MBNL1: variants seen among roughly 807,000 people sequenced by gnomAD.
The protein encoded by MBNL1 is muscleblind-like protein 1.
A neutral mutation model predicts 42.2 loss-of-function variants in MBNL1; 8 were observed. The observed-to-expected ratio is 0.19, with a 90% CI of 0.11 to 0.34. The LOEUF is 0.34. Among genes scored for constraint, MBNL1 ranks in the 10% least tolerant of loss-of-function variants. MBNL1 has a pLI of 1.00. For synonymous variants in MBNL1, 169 were observed against 173.9 expected (o/e 0.97, Z 0.22); for missense variants, 309 against 495.3 (o/e 0.62, Z 3.57).
intron 1 of MBNL1, among the ~76,000 whole-genome samples, chr3:152,291,127 T>C (rs1216879028): frequency 1.3e-5 from 2 of 152,052 alleles, no homozygotes; most frequent in African/African-American, 4.8e-5. Flanking sequence ...TAATTAGGAG[T>C]AGTGCTTTCT....
rs201037967 is a variant in MBNL1, at chr3:152,456,289, G to A, written c.1020G>A (p.Thr340=). 1.6e-5 allele frequency: 25 copies of A among 1,600,160 alleles called. No homozygotes were observed. Among genetic ancestry groups the A allele is most frequent in the African/African-American group, 6.7e-5 (5 of 74,260 alleles). ...TSVVPMVHGA[T]PATVSAATTS... ...AAGTTCCCATGGTGCACGGTGCTAC[G>A]CCAGCCACTGTGTCCGCAGCAACAA... Residue 340 remains threonine (T), a synonymous_variant, in exon 8 of 10, where the codon ACG becomes ACA. Transcript: ENST00000324210.
At chr3:152,342,702 G>A (rs942782238) in intron 2 of MBNL1, among the ~76,000 whole-genome samples, 1 of 152,084 alleles carries the variant, frequency 6.6e-6, no homozygotes, top group African/African-American at 2.4e-5. Flanking sequence ...TCATGTATGT[G>A]CTGAAGGGAT....
At chr3:152,382,549 C>A (rs2097221620) in intron 2 of MBNL1, among the ~76,000 whole-genome samples, 1 of 152,080 alleles carries the variant, frequency 6.6e-6, no homozygotes, top group South Asian at 2.1e-4. Flanking sequence ...ATGTGCTTCC[C>A]TAGAGGCTCT....
At chr3:152,303,498 T>G (rs16864152) in intron 2 of MBNL1, among the ~76,000 whole-genome samples, 2,395 of 152,262 alleles carry the variant, frequency 0.016, 57 homozygotes, top group African/African-American at 0.055. Flanking sequence ...GGTGCATTAT[T>G]TTATGCCAAA....
At chr3:152,458,345 T>C in intron 8 of MBNL1, 1 of 628,708 alleles carries the variant, frequency 1.6e-6, no homozygotes, top group East Asian at 2.8e-5. Flanking sequence ...TGAATTAGCC[T>C]AAGATGTCTA....
chr3:152,324,172 A>C (rs922949618), intron 2 of MBNL1, among the ~76,000 whole-genome samples: 2 of 152,206 alleles, frequency 1.3e-5, no homozygotes, highest in Admixed American at 6.5e-5. Context: ...ATACTTTATA[A>C]ATGTCAACTG....
In MBNL1 at chr3:152,414,870, A is replaced by G. The variant is rs1010732080; in HGVS notation, c.175-71A>G. ...TGATACATTCAAGTGGGTGGTTTGC[A>G]TTATATTTTTTTCATAATTTGCTGA... On this transcript the variant is annotated intron_variant, in intron 2 of 9. Transcript: ENST00000324210. The G allele has an allele frequency of 2.2e-5, 33 of 1,497,008 alleles. No individual in the cohort carries two copies. The African/African-American group carries it at 2.5e-4, about 11-fold the overall frequency. The allele number at this position is 1,497,008 out of a possible 1,614,324, so 92.7% of individuals were successfully genotyped here. A position where few individuals can be genotyped will look rare whatever the true frequency, so the allele number is the denominator to read the frequency against.
At chr3:152,281,172 A>G (rs1178643408) in intron 1 of MBNL1, among the ~76,000 whole-genome samples, 3 of 152,280 alleles carry the variant, frequency 2.0e-5, no homozygotes, top group African/African-American at 4.8e-5. Flanking sequence ...AGGCATTGCT[A>G]TCTTTCTGGC....
intron 2 of MBNL1, among the ~76,000 whole-genome samples, chr3:152,372,584 G>A (rs1209106868): frequency 3.3e-5 from 5 of 152,158 alleles, no homozygotes; most frequent in Admixed American, 3.3e-4. Context: ...GAGTTTGCTG[G>A]AGGTCCACTC....
In MBNL1 at chr3:152,447,715, A is replaced by G. The variant is rs374539639; in HGVS notation, c.903A>G (p.Gln301=). Residue 301 remains glutamine, a synonymous_variant, in exon 6 of 10, where the codon CAA becomes CAG. Transcript: ENST00000324210. ...CAGTCTTTAACACTGGTATTTTCCA[A>G]TACCAACAGGCTCTAGCCAACATGC... ...ATAVFNTGIF[Q]YQQALANMQL... is the part of the protein sequence containing the mutation. 2.0e-5 allele frequency: 33 copies of G among 1,613,852 alleles called. No homozygotes were observed. Among genetic ancestry groups the G allele is most frequent in the African/African-American group, 2.0e-4 (15 of 74,912 alleles).
intron 2 of MBNL1, among the ~76,000 whole-genome samples, chr3:152,261,827 T>G (rs914158467): frequency 2.6e-5 from 4 of 152,172 alleles, no homozygotes; most frequent in Non-Finnish European, 5.9e-5. Context: ...CTTTCATGAC[T>G]TTTTTTCTGA....
Position 152,425,032 on chromosome 3 carries a change from T to A in MBNL1, c.346-7685T>A, listed in dbSNP as rs545378511. 2.7e-3 allele frequency among the ~76,000 whole-genome samples: 414 copies of A among 152,166 alleles called. 3 individuals are homozygous for A. Among genetic ancestry groups the A allele is most frequent in the South Asian group, 9.5e-3 (46 of 4,818 alleles). ...TTCATGACTAAAACACCAAAAGCAA[T>A]GGCAACAAAAGCCAAAATTGACAAA... On this transcript the variant is annotated intron_variant, in intron 3 of 9. Coordinates refer to ENST00000324210, the MANE Select transcript of MBNL1 (RefSeq NM_021038.5).
chr3:152,326,763 T>G (rs950350948), intron 2 of MBNL1, among the ~76,000 whole-genome samples: 1 of 143,380 alleles, frequency 7.0e-6, no homozygotes, highest in Admixed American at 6.8e-5. Context: ...TCTAAAAAAT[T>G]TTTCCCTTGG....
intron 2 of MBNL1, among the ~76,000 whole-genome samples, chr3:152,312,171 G>A (rs1163922020): frequency 2.3e-5 from 3 of 133,204 alleles, no homozygotes; most frequent in South Asian, 4.6e-4. Context: ...CAGCCTGGGC[G>A]ACAGAGCGAG....
chr3:152,272,559 A>G (rs957617556), intron 1 of MBNL1, among the ~76,000 whole-genome samples: 1 of 152,040 alleles, frequency 6.6e-6, no homozygotes, highest in African/African-American at 2.4e-5. Flanking sequence ...CTTTTGCTAG[A>G]ACTTTCTTTA....
At chr3:152,288,921 A>G (rs1389832696) in intron 1 of MBNL1, among the ~76,000 whole-genome samples, 1 of 152,218 alleles carries the variant, frequency 6.6e-6, no homozygotes, top group Non-Finnish European at 1.5e-5. Context: ...GGAAAAATAC[A>G]AAAACAGGCT....
intron 1 of MBNL1, among the ~76,000 whole-genome samples, chr3:152,279,189 C>T: frequency 6.6e-6 from 1 of 152,074 alleles, no homozygotes. Flanking sequence ...TGGAAAAAAA[C>T]AGATAGACAA....
chr3:152,246,608 A>T (rs1461152124), intron 2 of MBNL1, among the ~76,000 whole-genome samples: 1 of 151,768 alleles, frequency 6.6e-6, no homozygotes, highest in Non-Finnish European at 1.5e-5. Context: ...GGAAAATTTA[A>T]TTTTGGCTTC....
At chr3:152,299,180 C>T (rs1426383) in intron 1 of MBNL1, 47,177 of 152,422 alleles carry the variant, frequency 0.31, 7,669 homozygotes, top group East Asian at 0.52. Flanking sequence ...ATCTCTCTAT[C>T]ATGCATTGCT....
Sources: gnomAD v4.1 joint callset for allele counts (sites outside exome capture counted in the v4.1 genomes callset) on GRCh38, gnomAD v4.1.1 for gene constraint, MANE v1.5 for transcripts, NCBI Gene and HGNC (gene_info 2026-07-23, HGNC 2026-07-21) for gene names.